Variants in PREX2 observed in about 807,000 individuals in gnomAD.
PREX2 encodes phosphatidylinositol-3,4,5-trisphosphate dependent Rac exchange factor 2.
In PREX2, 107 loss-of-function variants were observed where a neutral mutation model predicts 203.2. The observed-to-expected ratio is 0.53, with a 90% confidence interval of 0.45 to 0.62. PREX2 has a LOEUF of 0.62. Among genes scored for constraint, PREX2 ranks in the 20% least tolerant of loss-of-function variants. The pLI is 0.00. For synonymous variants in PREX2, 672 were observed against 663.6 expected (o/e 1.01, Z -0.19); for missense variants, 1,777 against 1,955.9 (o/e 0.91, Z 1.72).
At chr8:68,188,171 G>C (rs1812227225) in intron 35 of PREX2, among the ~76,000 whole-genome samples, 1 of 152,098 alleles carries the variant, frequency 6.6e-6, no homozygotes, top group Admixed American at 6.6e-5. Flanking sequence ...ACTAGTTTGG[G>C]GACATGACTG....
intron 1 of PREX2, among the ~76,000 whole-genome samples, chr8:67,956,994 CA>C (rs2129016772): frequency 6.6e-6 from 1 of 152,322 alleles, no homozygotes; most frequent in South Asian, 2.1e-4. Flanking sequence ...TAGCATTTCT[CA>C]GGGGTATTGT....
chr8:68,017,403 A>G (rs993443730), intron 1 of PREX2, among the ~76,000 whole-genome samples: 2 of 152,178 alleles, frequency 1.3e-5, no homozygotes, highest in South Asian at 2.1e-4. Flanking sequence ...TATTTTATCA[A>G]TCACTCAACC....
chr8:68,100,001 A>T (rs1344925253), intron 23 of PREX2, 158 bp downstream of exon 23: 2 of 773,574 alleles, frequency 2.6e-6, no homozygotes, highest in South Asian at 2.7e-5. Context: ...GAAATGGCTT[A>T]ACATCCATTA....
chr8:68,083,138 A>T, intron 17 of PREX2, 102 bp from the exon 18 acceptor site: 1 of 780,226 alleles, frequency 1.3e-6, no homozygotes, highest in Non-Finnish European at 2.0e-6. Flanking sequence ...TAAAATGTCA[A>T]TATCTATAAG....
At position 68,072,558 on chromosome 8, in the gene PREX2, G is replaced by C; in HGVS notation, c.1557G>C (p.Trp519Cys). 2 of 1,581,540 alleles carry C rather than the reference G, an allele frequency of 1.3e-6. No homozygotes were observed. The highest frequency in any genetic ancestry group is 1.7e-6 in the Non-Finnish European group (2 of 1,151,222). The change falls in exon 14 of 40, where the codon TGG becomes TGC. Residue 519 changes from tryptophan (W) to cysteine (C), a missense_variant. By Grantham distance (215) the Trp-to-Cys change is radical (BLOSUM62 -2). Coordinates refer to ENST00000288368, the MANE Select transcript of PREX2 (RefSeq NM_024870.4). ...SVVMANKLID[W>C]LIAQGDCRTR... ...TCATGGCCAACAAACTGATAGACTG[G>C]TTAATTGCACAGGTAAATAGACAAA...
rs112148549 is a variant in PREX2 at position 68,018,676 on chromosome 8, C to T, written c.213+759C>T. Among the ~76,000 whole-genome samples the T allele has an allele frequency of 9.1e-3, 1,380 of 151,856 alleles. 14 individuals carry two copies. Among genetic ancestry groups the T allele is most frequent in the African/African-American group, 0.028 (1,149 of 41,388 alleles). ...ATAATATCCTTAATTCAGAAACAGA[C>T]ATATAATCGTTTCTTTTAAACTGAA... is the stretch of plus-strand genomic sequence containing the variant. On this transcript the variant is annotated intron_variant, in intron 2 of 39. Coordinates refer to ENST00000288368, the MANE Select transcript of PREX2 (RefSeq NM_024870.4).
chr8:67,998,244 A>G (rs980083791), intron 1 of PREX2, among the ~76,000 whole-genome samples: 1 of 151,044 alleles, frequency 6.6e-6, no homozygotes, highest in African/African-American at 2.5e-5. Context: ...TGAATGCTGG[A>G]AGGTCTCAGA....
chr8:68,016,344 A>G (rs1311042161), intron 1 of PREX2, among the ~76,000 whole-genome samples: 1 of 152,130 alleles, frequency 6.6e-6, no homozygotes, highest in Non-Finnish European at 1.5e-5. Context: ...AAATTTTTTC[A>G]CCAGACAGTA....
intron 35 of PREX2, among the ~76,000 whole-genome samples, chr8:68,171,966 A>G (rs968249867): frequency 2.6e-5 from 4 of 152,304 alleles, no homozygotes; most frequent in South Asian, 2.1e-4. Context: ...TTCCAGATGC[A>G]TATTTATCTC....
chr8:68,045,043 A>G (rs867681508), intron 8 of PREX2, among the ~76,000 whole-genome samples: 1 of 152,052 alleles, frequency 6.6e-6, no homozygotes, highest in Non-Finnish European at 1.5e-5. Context: ...ATTTTCTTGT[A>G]AGCAAATTGT....
chr8:68,230,371 T>C (rs1397203727), intron 39 of PREX2, among the ~76,000 whole-genome samples: 1 of 152,216 alleles, frequency 6.6e-6, no homozygotes, highest in East Asian at 1.9e-4. Flanking sequence ...GCAGCTTATA[T>C]TTTGACATCA....
intron 1 of PREX2, among the ~76,000 whole-genome samples, chr8:67,982,854 G>T (rs62520684): frequency 6.6e-6 from 1 of 151,920 alleles, no homozygotes; most frequent in Non-Finnish European, 1.5e-5. Context: ...ATGATTTCCC[G>T]CCTTAACATT....
chr8:68,120,255 C>T lies in PREX2; in HGVS notation c.3564C>T (p.Thr1188=). The change falls in exon 29 of 40, where the codon ACC becomes ACT. Residue 1188 remains threonine, a synonymous_variant. Coordinates refer to ENST00000288368, the MANE Select transcript of PREX2 (RefSeq NM_024870.4). ...CTGTTGTGAGGGCCTTTGACCAAACCAAGTATCTCACTCCAGGCCGAGGAT... is the reference window on the plus strand; with the variant it reads ...CTGTTGTGAGGGCCTTTGACCAAACTAAGTATCTCACTCCAGGCCGAGGAT... ...GQAVVRAFDQ[T]KYLTPGRGLQ... 2 of 1,613,612 alleles carry T rather than the reference C, an allele frequency of 1.2e-6. No individual in the cohort carries two copies. Among genetic ancestry groups the T allele is most frequent in the Non-Finnish European group, 1.7e-6 (2 of 1,179,706 alleles).
chr8:68,208,859 T>A (rs1812693917), intron 37 of PREX2, among the ~76,000 whole-genome samples: 1 of 151,626 alleles, frequency 6.6e-6, no homozygotes, highest in Non-Finnish European at 1.5e-5. Context: ...GAGGCTAAGG[T>A]AGGAGGATCA....
chr8:67,964,764 C>T (rs1437171368), intron 1 of PREX2, among the ~76,000 whole-genome samples: 2 of 152,030 alleles, frequency 1.3e-5, no homozygotes, highest in African/African-American at 4.8e-5. Context: ...TTATGTGTTT[C>T]TTATGTGTTA....
At chr8:68,026,713 G>T (rs1355598120) in intron 4 of PREX2, among the ~76,000 whole-genome samples, 1 of 151,998 alleles carries the variant, frequency 6.6e-6, no homozygotes, top group Non-Finnish European at 1.5e-5. Context: ...GCGACTCAGA[G>T]ATCACTTGCT....
chr8:68,125,869 A>T (rs145731882), intron 30 of PREX2, among the ~76,000 whole-genome samples: 2 of 152,136 alleles, frequency 1.3e-5, no homozygotes, highest in Admixed American at 6.6e-5. Context: ...TTCAGTAATT[A>T]CAATGATTTT....
At chr8:68,000,366 C>T in intron 1 of PREX2, among the ~76,000 whole-genome samples, 1 of 151,984 alleles carries the variant, frequency 6.6e-6, no homozygotes, top group Non-Finnish European at 1.5e-5. Context: ...ACAAAACAAA[C>T]AAACGTAGGT....
Position 68,083,869 on chromosome 8 carries a change from ACTAT to A in PREX2, c.2027+485_2027+488del, listed in dbSNP as rs562056648. On this transcript the variant is annotated intron_variant, in intron 18 of 39. Transcript: ENST00000288368. ...TCCATTTCTTTAAAAAATTCTATTA[ACTAT>A]CTACCTATGATTAGAAAAAAAGTTA... Among the ~76,000 whole-genome samples the A allele has an allele frequency of 3.3e-3, 508 of 152,310 alleles. 4 individuals carry two copies. The highest frequency in any genetic ancestry group is 0.012 in the African/African-American group (487 of 41,572).
Sources: allele counts gnomAD v4.1 joint callset (sites outside exome capture counted in the v4.1 genomes callset), GRCh38; gene constraint gnomAD v4.1.1; transcripts MANE v1.5; gene names NCBI Gene and HGNC (gene_info 2026-07-23, HGNC 2026-07-21).